Variants in DNAAF1 observed in about 807,000 individuals in gnomAD.
DNAAF1 encodes the protein dynein assembly factor 1, axonemal.
In DNAAF1, 65 loss-of-function variants were observed where a neutral mutation model predicts 71.1. The observed-to-expected ratio is 0.91, with a 90% CI of 0.75 to 1.12. The LOEUF (loss-of-function observed/expected upper bound fraction) is 1.12, where lower values mean the gene tolerates loss of function less well. Ranked by LOEUF, DNAAF1 falls within the 50% of genes most tolerant of loss-of-function variation. The pLI is 0.00. For synonymous variants in DNAAF1, 414 were observed against 354.6 expected, an observed-to-expected ratio of 1.17 and a Z score of -1.88; for missense variants, 1,178 against 899.8, an observed-to-expected ratio of 1.31 and a Z score of -3.96.
chr16:84,155,046 C>A (rs930656937), intron 4 of DNAAF1, among the ~76,000 whole-genome samples: 1 of 151,956 alleles, frequency 6.6e-6, no homozygotes, highest in Non-Finnish European at 1.5e-5. Context: ...ATAGCTGGGA[C>A]TACAGGCACC....
At chr16:84,158,623 C>T (rs749674471) in intron 5 of DNAAF1, among the ~76,000 whole-genome samples, 6 of 152,202 alleles carry the variant, frequency 3.9e-5, no homozygotes, top group Non-Finnish European at 7.3e-5. Context: ...CTCCCAACAC[C>T]GTTTACCCCT....
chr16:84,162,828 A>G (rs893905339), intron 6 of DNAAF1, among the ~76,000 whole-genome samples: 2 of 151,968 alleles, frequency 1.3e-5, no homozygotes, highest in African/African-American at 2.4e-5. Flanking sequence ...AAAAAACAAA[A>G]AAAAAAGAAA....
intron 5 of DNAAF1, among the ~76,000 whole-genome samples, chr16:84,156,238 C>G (rs1399949932): frequency 1.3e-5 from 2 of 152,250 alleles, no homozygotes; most frequent in Non-Finnish European, 2.9e-5. Flanking sequence ...GCTGGGATTA[C>G]AGGCAAGAGC....
At chr16:84,146,584 A>ATTAG (rs2086922167) in intron 1 of DNAAF1, among the ~76,000 whole-genome samples, 1 of 152,062 alleles carries the variant, frequency 6.6e-6, no homozygotes. Context: ...GGGCGTGGTG[A>ATTAG]CGTGCTCCTG....
intron 6 of DNAAF1, among the ~76,000 whole-genome samples, chr16:84,165,467 G>A (rs2087925596): frequency 1.3e-5 from 2 of 152,052 alleles, no homozygotes; most frequent in Admixed American, 1.3e-4. Context: ...TTACAGGCAT[G>A]AGCCACTGTG....
rs1214352964 is a variant in DNAAF1 at position 84,145,491 on chromosome 16, T to C, written c.51T>C (p.Asp17=). The C allele has an allele frequency of 3.8e-6, 6 of 1,571,830 alleles. No homozygotes were observed. The highest frequency in any genetic ancestry group is 2.7e-5 in the African/African-American group (2 of 74,420). Residue 17 remains aspartate (D), a synonymous_variant, in exon 1 of 12, where the codon GAT becomes GAC. Transcript: ENST00000378553. ...CGACAGGTGGTGCAGCAGAGCTGGA[T>C]TGCGCGCAGGAGCCCGGCGTGGAGG... ...EPATGGAAEL[D]CAQEPGVEES...
chr16:84,171,991 C>T (rs1052881854), intron 8 of DNAAF1, among the ~76,000 whole-genome samples: 1 of 151,924 alleles, frequency 6.6e-6, no homozygotes, highest in African/African-American at 2.4e-5. Flanking sequence ...TATTCTCCTG[C>T]CTCAGCCTCC....
chr16:84,159,275 C>G, intron 5 of DNAAF1: 1 of 1,102,518 alleles, frequency 9.1e-7, no homozygotes, highest in Non-Finnish European at 1.1e-6. Context: ...CGGCTGTGTG[C>G]GTTTTGGTAA....
At chr16:84,176,538 C>T (rs1188666296) in intron 11 of DNAAF1, 41 of 617,150 alleles carry the variant, frequency 6.6e-5, no homozygotes, top group South Asian at 5.0e-4. Flanking sequence ...CTTGGGCAGC[C>T]GAGTCTGACT....
Position 84,169,916 on chromosome 16 carries a change from A to C in DNAAF1, c.1088A>C (p.Glu363Ala), listed in dbSNP as rs1472546082. ...GTGCCCGCCAGTGCGGAAGGCAAGG[A>C]GGAGCCTCCCGGGGACAGAGAAACA... ...ENVPASAEGKEEPPGDRETRQ... is the reference protein window; with the variant it reads ...ENVPASAEGKAEPPGDRETRQ... The change falls in exon 8 of 12, where the codon GAG becomes GCG. Residue 363 changes from glutamate (E) to alanine (A), a missense_variant. By Grantham distance (107) the Glu-to-Ala change is moderately radical (BLOSUM62 -1). Coordinates refer to ENST00000378553, the MANE Select transcript of DNAAF1 (RefSeq NM_178452.6). The C allele has an allele frequency of 6.2e-7, 1 of 1,614,170 alleles. No homozygotes were observed. The highest frequency in any genetic ancestry group is 2.2e-5 in the East Asian group (1 of 44,886).
chr16:84,174,591 T>C, intron 9 of DNAAF1, 78 bp from the exon 10 acceptor site: 1 of 1,613,224 alleles, frequency 6.2e-7, no homozygotes, highest in Non-Finnish European at 8.5e-7. Flanking sequence ...TGACTGCGTG[T>C]TTGCCTTTAT....
At position 84,150,397 on chromosome 16, in the gene DNAAF1, G is replaced by A. The variant is rs912123239; in HGVS notation, c.352+55G>A. 7.7e-5 allele frequency: 109 copies of A among 1,412,970 alleles called. No individual in the cohort carries two copies. The Admixed American group carries it at 8.2e-4, about 11-fold the overall frequency. The allele number at this position is 1,412,970 out of a possible 1,614,324, so 87.5% of individuals were successfully genotyped here. ...GTCAGGTGGAAAGATTCTGTCTAGCGGTATAAAAAATTACTTGCAGGGATC... is the reference window on the plus strand; with the variant it reads ...GTCAGGTGGAAAGATTCTGTCTAGCAGTATAAAAAATTACTTGCAGGGATC... On this transcript the variant is annotated intron_variant, in intron 3 of 11. Transcript: ENST00000378553.
At chr16:84,175,717 A>T (rs754051812) in intron 10 of DNAAF1, 3 of 590,986 alleles carry the variant, frequency 5.1e-6, no homozygotes, top group Non-Finnish European at 9.0e-6. Context: ...CTGGGGGAGC[A>T]GAGGGCAGAG....
Position 84,171,103 on chromosome 16 carries a change from G to C in DNAAF1, c.1528+747G>C, listed in dbSNP as rs371760103. 1.2e-3 allele frequency among the ~76,000 whole-genome samples: 188 copies of C among 152,248 alleles called. 5 individuals are homozygous for C. In the South Asian group the frequency reaches 0.036, roughly 29 times the overall value. On this transcript the variant is annotated intron_variant, in intron 8 of 11. Transcript: ENST00000378553. ...TAAACGAAGCCCCGAGAGCAATGGA[G>C]GGATCAGAGCACAGGACCCAAGGAT... is the stretch of plus-strand genomic sequence containing the variant.
intron 1 of DNAAF1, among the ~76,000 whole-genome samples, chr16:84,147,947 A>G (rs1368227542): frequency 6.6e-6 from 1 of 152,100 alleles, no homozygotes; most frequent in Non-Finnish European, 1.5e-5. Context: ...AGGCGCTGGT[A>G]ATCCTAGCTA....
chr16:84,158,030 A>ACC (rs1401205344), intron 5 of DNAAF1, among the ~76,000 whole-genome samples: 5 of 151,864 alleles, frequency 3.3e-5, no homozygotes, highest in Non-Finnish European at 5.9e-5. Flanking sequence ...ACATGGTGAA[A>ACC]CCGTCTCTAC....
At chr16:84,165,709 A>G in intron 6 of DNAAF1, 74 bp from the exon 7 acceptor site, 1 of 1,444,688 alleles carries the variant, frequency 6.9e-7, no homozygotes, top group East Asian at 2.3e-5. Flanking sequence ...TTTTGAAGAA[A>G]ATGAGCAAGT....
At chr16:84,171,816 C>A (rs910893515) in intron 8 of DNAAF1, among the ~76,000 whole-genome samples, 2 of 152,052 alleles carry the variant, frequency 1.3e-5, no homozygotes, top group African/African-American at 4.8e-5. Context: ...CAGACAGAAG[C>A]CTGTGGTGAG....
At chr16:84,156,462 T>A (rs1339787064) in intron 5 of DNAAF1, among the ~76,000 whole-genome samples, 1 of 152,240 alleles carries the variant, frequency 6.6e-6, no homozygotes, top group Non-Finnish European at 1.5e-5. Context: ...GTCCTTCCAC[T>A]GCCAGCTCCT....
Sources: gnomAD v4.1 joint callset for allele counts (sites outside exome capture counted in the v4.1 genomes callset) on GRCh38, gnomAD v4.1.1 for gene constraint, MANE v1.5 for transcripts, NCBI Gene and HGNC (gene_info 2026-07-23, HGNC 2026-07-21) for gene names.